The following MAST3 variants were observed in gnomAD, a reference collection of about 807,000 sequenced individuals.
The protein encoded by MAST3 is microtubule associated serine/threonine kinase 3.
In MAST3, 43 loss-of-function variants were observed where a neutral mutation model predicts 127.0. That is an observed-to-expected ratio of 0.34 (90% CI 0.27 to 0.44). The LOEUF (loss-of-function observed/expected upper bound fraction) is 0.44, where lower values mean the gene tolerates loss of function less well. MAST3 is among the 20% of genes least tolerant of loss of function. The probability of loss-of-function intolerance (pLI) is 1.00; values close to 1 mark genes in which losing one functional copy is unlikely to be tolerated. For missense variants in MAST3, 1,390 were observed against 1,919.1 expected (o/e 0.72, Z 5.15); for synonymous variants, 785 against 809.2 (o/e 0.97, Z 0.51).
intron 3 of MAST3, 26 bp from the exon 4 acceptor site, chr19:18,121,659 T>C: frequency 6.2e-7 from 1 of 1,607,694 alleles, no homozygotes; most frequent in Non-Finnish European, 8.5e-7. Context: ...GGCAGCCACC[T>C]ACCCTGTCCC....
intron 20 of MAST3, among the ~76,000 whole-genome samples, chr19:18,139,456 C>G (rs1347714348): frequency 6.6e-6 from 1 of 152,156 alleles, no homozygotes; most frequent in Non-Finnish European, 1.5e-5. Context: ...TGCCGAGTAG[C>G]TGGGATTACA....
chr19:18,137,302 GAC>G lies in MAST3; in HGVS notation c.2040_2041del (p.His680GlnfsTer11). 1 of 1,613,872 alleles carries G rather than the reference GAC, an allele frequency of 6.2e-7. No homozygotes were observed. Among genetic ancestry groups the G allele is most frequent in the Non-Finnish European group, 8.5e-7 (1 of 1,179,832 alleles). The stretch of plus-strand genomic sequence containing the variant: ...GCCCTGGACTGGGCAGGGCTTCTCC[GAC>G]ACAAAGCCGAGTTCGTGCCCCAGCT... On this transcript the variant is annotated frameshift_variant, in exon 19 of 28. Transcript: ENST00000687212. LOFTEE classifies it high-confidence loss of function.
At chr19:18,129,319 T>G in intron 13 of MAST3, 1 of 190,484 alleles carries the variant, frequency 5.2e-6, no homozygotes. Context: ...CATAAGCCTT[T>G]TGGAGGCTGA....
intron 1 of MAST3, among the ~76,000 whole-genome samples, chr19:18,100,128 C>CTTTTTTTTTTTTTT (rs58879254): frequency 1.6e-5 from 2 of 121,720 alleles, no homozygotes; most frequent in African/African-American, 5.6e-5. Context: ...CTCTCTCTCT[C>CTTTTTTTTTTTTTT]TTTTTTTTTT....
intron 3 of MAST3, among the ~76,000 whole-genome samples, chr19:18,113,341 G>T (rs1345560126): frequency 6.6e-6 from 1 of 152,034 alleles, no homozygotes; most frequent in East Asian, 1.9e-4. Context: ...CTGGGGTGCA[G>T]TGGTGTGATC....
At chr19:18,102,101 C>G (rs1771094730) in intron 1 of MAST3, among the ~76,000 whole-genome samples, 1 of 151,882 alleles carries the variant, frequency 6.6e-6, no homozygotes, top group Non-Finnish European at 1.5e-5. Context: ...AGGATGGTCT[C>G]CATCTGCTGA....
At chr19:18,097,963 C>G in intron 1 of MAST3, 132 bp downstream of exon 1, 1 of 715,150 alleles carries the variant, frequency 1.4e-6, no homozygotes, top group Non-Finnish European at 1.9e-6. Flanking sequence ...ACGCTCAGAT[C>G]GCTTCTTTTT....
chr19:18,124,930 A>G (rs2040412169), intron 11 of MAST3, among the ~76,000 whole-genome samples, 156 bp downstream of exon 11: 1 of 44,340 alleles, frequency 2.3e-5, no homozygotes, highest in Non-Finnish European at 4.0e-5. Flanking sequence ...ACATGGTGGA[A>G]ACCCCCCCCC....
rs1419508677 is a variant in MAST3 at position 18,149,599 on chromosome 19, C to T, written c.3917C>T (p.Ala1306Val). ...CGAGACTCCTTCAAGAAGCAGGAGG[C>T]CGTGCAGGAGGTTAGCTTCGATGAG... ...ERRDSFKKQE[A>V]VQEVSFDEPQ... is the part of the protein sequence containing the mutation. The change falls in exon 28 of 28, where the codon GCC (alanine) becomes GTC (valine). Residue 1306 changes from alanine (A) to valine (V), a missense_variant. This residue lies in a region of MAST3 where 816 missense variants were observed against 934.1 expected (regional missense o/e 0.87). Transcript: ENST00000687212. The surrounding 1 kb of genome is among the most constrained non-coding windows in gnomAD (Gnocchi z 5.9). 2 of 1,611,754 alleles carry T rather than the reference C, an allele frequency of 1.2e-6. No individual in the cohort carries two copies. Among genetic ancestry groups the T allele is most frequent in the Non-Finnish European group, 1.7e-6 (2 of 1,179,306 alleles).
chr19:18,119,552 G>A (rs1031487587), intron 3 of MAST3, among the ~76,000 whole-genome samples: 2 of 152,228 alleles, frequency 1.3e-5, no homozygotes, highest in Non-Finnish European at 2.9e-5. Context: ...GGGGCTTGTT[G>A]GAATTGGCAG....
At chr19:18,115,171 G>C (rs1384908281) in intron 3 of MAST3, among the ~76,000 whole-genome samples, 1 of 152,126 alleles carries the variant, frequency 6.6e-6, no homozygotes, top group African/African-American at 2.4e-5. Flanking sequence ...CTGGGGAGCA[G>C]TGGGCCGACA....
At chr19:18,137,927 A>G (rs1490643428) in intron 19 of MAST3, among the ~76,000 whole-genome samples, 5 of 152,166 alleles carry the variant, frequency 3.3e-5, no homozygotes, top group Admixed American at 3.3e-4. Context: ...AATTTTGGCC[A>G]GGCGCAGTGG....
intron 21 of MAST3, among the ~76,000 whole-genome samples, chr19:18,142,821 T>C (rs2042648730): frequency 6.6e-6 from 1 of 151,676 alleles, no homozygotes; most frequent in Non-Finnish European, 1.5e-5. Context: ...TTTAAGCAAT[T>C]TTTTGTAGGC....
chr19:18,145,035 C>T lies in MAST3; in HGVS notation c.2845C>T (p.Leu949Phe). 3 of 1,609,304 alleles carry T rather than the reference C, an allele frequency of 1.9e-6. No individual in the cohort carries two copies. Among genetic ancestry groups the T allele is most frequent in the Non-Finnish European group, 2.5e-6 (3 of 1,179,468 alleles). Residue 949 changes from leucine to phenylalanine, a missense_variant, in exon 24 of 28, where the codon CTT (leucine) becomes TTT (phenylalanine). By Grantham distance (22) the Leu-to-Phe change is conservative. Coordinates refer to ENST00000687212, the MANE Select transcript of MAST3 (RefSeq NM_001393504.1). This position sits in a 1 kb window ranked among gnomAD's most constrained non-coding sequence, Gnocchi z 5.9. ...DGSGGPLMSP[L>F]SPRSLSSNPS... ...CAGCGGCGGCCCCCTCATGAGCCCC[C>T]TTTCCCCGCGCTCTCTGTCCTCGAA...
In MAST3 at chr19:18,110,227, G is replaced by A; in HGVS notation, c.72-425G>A. ...CGTCTGTCCCTGCGTCCGTGTGTCC[G>A]TCCGTCGGTCCGCTCGCGCCACGAT... On this transcript the variant is annotated intron_variant, in intron 2 of 27. Coordinates refer to ENST00000687212, the MANE Select transcript of MAST3 (RefSeq NM_001393504.1). The surrounding 1 kb of genome is among the most constrained non-coding windows in gnomAD (Gnocchi z 4.3). 1.0e-6 allele frequency: 1 copy of A among 985,486 alleles called. No homozygotes were observed. The highest frequency in any genetic ancestry group is 1.2e-6 in the Non-Finnish European group (1 of 829,986). The allele number at this position is 985,486 out of a possible 1,614,324, so 61.0% of individuals were successfully genotyped here. A position where few individuals can be genotyped will look rare whatever the true frequency, so the allele number is the denominator to read the frequency against.
chr19:18,122,066 C>G lies in MAST3; in HGVS notation c.320+144C>G, dbSNP rs1265482492. The G allele has an allele frequency of 4.8e-6, 7 of 1,470,534 alleles. No individual in the cohort carries two copies. The Admixed American group carries it at 9.2e-5, about 19-fold the overall frequency. 91.1% of individuals were successfully genotyped at this position (1,470,534 alleles called of 1,614,324 possible). A position where few individuals can be genotyped will look rare whatever the true frequency, so the allele number is the denominator to read the frequency against. On this transcript the variant is annotated intron_variant, in intron 5 of 27. Transcript: ENST00000687212. The stretch of plus-strand genomic sequence containing the variant: ...CTGGCCCGTCTGGTGGTGGTCTCCC[C>G]CTCTGGCTCCCATTCCCGGCAAATG...
intron 25 of MAST3, 53 bp from the exon 26 acceptor site, chr19:18,146,828 G>C (rs1406958913): frequency 2.7e-6 from 4 of 1,500,896 alleles, no homozygotes; most frequent in Middle Eastern, 1.7e-4. Context: ...TGCCTGGCAA[G>C]TGCTGGGCCC....
rs776277708 is a variant in MAST3 at position 18,149,571 on chromosome 19, C to T, written c.3889C>T (p.Arg1297Cys). ...CATGCGGCGGCTGCACCTGTCCGAG[C>T]GCCGAGACTCCTTCAAGAAGCAGGA... ...VVMRRLHLSE[R>C]RDSFKKQEAV... Residue 1297 changes from arginine (R) to cysteine (C), a missense_variant, in exon 28 of 28, where the codon CGC (arginine) becomes TGC (cysteine). This residue lies in a region of MAST3 where 816 missense variants were observed against 934.1 expected (regional missense o/e 0.87). Coordinates refer to ENST00000687212, the MANE Select transcript of MAST3 (RefSeq NM_001393504.1). The surrounding 1 kb of genome is among the most constrained non-coding windows in gnomAD (Gnocchi z 5.9). 1.3e-6 allele frequency: 2 copies of T among 1,597,150 alleles called. No homozygotes were observed. The highest frequency in any genetic ancestry group is 1.7e-6 in the Non-Finnish European group (2 of 1,172,860).
intron 5 of MAST3, 125 bp downstream of exon 5, chr19:18,122,047 C>G (rs1049629960): frequency 2.0e-6 from 3 of 1,487,728 alleles, no homozygotes; most frequent in Admixed American, 2.1e-5. Context: ...TCCCCTGGCC[C>G]GTCTGGTGGT....
Sources: gnomAD v4.1 joint callset for allele counts (sites outside exome capture counted in the v4.1 genomes callset) on GRCh38, gnomAD v4.1.1 for gene constraint, gnomAD v4.1.1 regional missense constraint, Gnocchi (gnomAD v3.1) non-coding constraint, MANE v1.5 for transcripts, NCBI Gene and HGNC (gene_info 2026-07-23, HGNC 2026-07-21) for gene names.